RNF150: variants seen among roughly 807,000 people sequenced by gnomAD.
The protein encoded by RNF150 is ring finger protein 150.
RNF150 carries 24 observed loss-of-function variants against 39.3 expected under a neutral mutation model. That is an observed-to-expected ratio of 0.61 (90% confidence interval 0.44 to 0.86). The LOEUF (loss-of-function observed/expected upper bound fraction) is 0.86, where lower values mean the gene tolerates loss of function less well. Ranked by LOEUF, RNF150 falls within the 40% of genes least tolerant of loss-of-function variation. The pLI is 0.00. For synonymous variants in RNF150, 255 were observed against 227.3 expected (o/e 1.12, Z -1.10); for missense variants, 502 against 587.8 (o/e 0.85, Z 1.51).
Position 140,951,730 on chromosome 4 carries a change from C to A in RNF150, c.736-2358G>T, listed in dbSNP as rs368226542. On this transcript the variant is annotated intron_variant, in intron 2 of 6. Coordinates refer to ENST00000515673, the MANE Select transcript of RNF150 (RefSeq NM_020724.2). ...CCATTGAAGGACCCCGGGGCAAGGA[C>A]TGAAAGGTATTGAGAAAGGGCTACT... Among the ~76,000 whole-genome samples, 55 of 152,138 alleles carry A rather than the reference C, an allele frequency of 3.6e-4. No homozygotes were observed. The East Asian group carries it at 5.2e-3, about 14-fold the overall frequency.
At chr4:141,070,038 G>T (rs1218800223) in intron 1 of RNF150, among the ~76,000 whole-genome samples, 1 of 151,964 alleles carries the variant, frequency 6.6e-6, no homozygotes, top group Non-Finnish European at 1.5e-5. Flanking sequence ...TTTTTGAAGG[G>T]TTTTTTGTGT....
At chr4:141,057,093 A>C (rs1195107290) in intron 1 of RNF150, among the ~76,000 whole-genome samples, 1 of 152,040 alleles carries the variant, frequency 6.6e-6, no homozygotes, top group East Asian at 1.9e-4. Context: ...TAACTATCTG[A>C]TAAGAACTTG....
At chr4:140,916,532 T>C (rs1326785707) in intron 5 of RNF150, among the ~76,000 whole-genome samples, 1 of 152,124 alleles carries the variant, frequency 6.6e-6, no homozygotes, top group Non-Finnish European at 1.5e-5. Flanking sequence ...CCAAGAAATA[T>C]GGGACTATGT....
chr4:140,873,771 G>GCTCAAGCCATCCTCCCAC (rs2111189233), intron 6 of RNF150, among the ~76,000 whole-genome samples: 1 of 152,246 alleles, frequency 6.6e-6, no homozygotes, highest in South Asian at 2.1e-4. Flanking sequence ...CTGCCTCACA[G>GCTCAAGCCATCCTCCCAC]CTCAAGCCAT....
At chr4:141,180,744 C>T (rs1197692494) in intron 1 of RNF150, among the ~76,000 whole-genome samples, 1 of 152,112 alleles carries the variant, frequency 6.6e-6, no homozygotes, top group Non-Finnish European at 1.5e-5. Flanking sequence ...AGAACATGTG[C>T]TATTTTCAAA....
intron 1 of RNF150, among the ~76,000 whole-genome samples, chr4:141,150,435 G>A (rs2111139513): frequency 6.6e-6 from 1 of 152,252 alleles, no homozygotes; most frequent in East Asian, 1.9e-4. Context: ...CCATCACCCT[G>A]TGGCACCTGG....
intron 1 of RNF150, among the ~76,000 whole-genome samples, chr4:141,193,816 G>A (rs1180850847): frequency 6.6e-6 from 1 of 152,180 alleles, no homozygotes; most frequent in Admixed American, 6.5e-5. Flanking sequence ...GCTGGGAGGG[G>A]TCAGTGAATT....
At chr4:140,988,380 G>C (rs1225998186) in intron 1 of RNF150, among the ~76,000 whole-genome samples, 6 of 152,120 alleles carry the variant, frequency 3.9e-5, no homozygotes, top group Non-Finnish European at 5.9e-5. Context: ...ATTGAATAAA[G>C]AAAATGTGGT....
chr4:140,882,088 C>T (rs1332653286), intron 6 of RNF150, among the ~76,000 whole-genome samples: 1 of 151,826 alleles, frequency 6.6e-6, no homozygotes, highest in African/African-American at 2.4e-5. Flanking sequence ...GGTGCAATCT[C>T]GGCTCACTGC....
chr4:141,212,215 A>G (rs150705679), intron 1 of RNF150, among the ~76,000 whole-genome samples: 1 of 152,310 alleles, frequency 6.6e-6, no homozygotes, highest in East Asian at 1.9e-4. Context: ...TGGATCTCCA[A>G]CAGCCGGGTA....
At position 141,103,012 on chromosome 4, in the gene RNF150, G is replaced by A. The variant is rs534255564; in HGVS notation, c.484+29313C>T. 5.9e-5 allele frequency among the ~76,000 whole-genome samples: 9 copies of A among 152,104 alleles called. No individual in the cohort carries two copies. In the East Asian group the frequency reaches 9.7e-4, roughly 16 times the overall value. ...CCATCTGTCAGGTGCTTTCAAAAAC[G>A]GAGACACCAATCACAAAATCTTTGA... On this transcript the variant is annotated intron_variant, in intron 1 of 6. Coordinates refer to ENST00000515673, the MANE Select transcript of RNF150 (RefSeq NM_020724.2).
chr4:141,087,831 C>CT (rs955315184), intron 1 of RNF150, among the ~76,000 whole-genome samples: 23 of 148,838 alleles, frequency 1.5e-4, no homozygotes, highest in African/African-American at 3.2e-4. Flanking sequence ...GTTTCATGGA[C>CT]TTTTTTTTTT....
chr4:141,132,210 C>A lies in RNF150; in HGVS notation c.484+115G>T. The A allele has an allele frequency of 9.1e-7, 1 of 1,102,266 alleles. No homozygotes were observed. The highest frequency in any genetic ancestry group is 2.5e-5 in the Admixed American group (1 of 40,060). The allele number at this position is 1,102,266 out of a possible 1,614,324, so 68.3% of individuals were successfully genotyped here. A position where few individuals can be genotyped will look rare whatever the true frequency, so the allele number is the denominator to read the frequency against. On this transcript the variant is annotated intron_variant, in intron 1 of 6. Coordinates refer to ENST00000515673, the MANE Select transcript of RNF150 (RefSeq NM_020724.2). The surrounding 1 kb of genome is among the most constrained non-coding windows in gnomAD (Gnocchi z 4.9). ...ACTTAATCGGTCCAGGGAACCCAGA[C>A]ACGTCTTCCGCGCCGCACGGACTTC...
rs368349800 is a variant in RNF150 at position 141,093,092 on chromosome 4, C to T, written c.484+39233G>A. Among the ~76,000 whole-genome samples, 106 of 151,964 alleles carry T rather than the reference C, an allele frequency of 7.0e-4. 1 individual carries two copies. Among genetic ancestry groups the T allele is most frequent in the African/African-American group, 2.5e-3 (102 of 41,440 alleles). On this transcript the variant is annotated intron_variant, in intron 1 of 6. Coordinates refer to ENST00000515673, the MANE Select transcript of RNF150 (RefSeq NM_020724.2). Reference sequence around the variant, plus strand: ...ATAAAAAAGGGAACTGGTGGCTGGGCGCGGCGGCTCATGCCTGTAATCCCA... The same window carrying T: ...ATAAAAAAGGGAACTGGTGGCTGGGTGCGGCGGCTCATGCCTGTAATCCCA...
Position 141,145,835 on chromosome 4 carries a change from A to G in RNF150, c.-6+66959T>C, listed in dbSNP as rs146417591. The stretch of plus-strand genomic sequence containing the variant: ...GAAGATCCAATGTTCAAGTTCTACT[A>G]TGGTTCAGGTTCCCCACTTTTATAT... On this transcript the variant is annotated intron_variant, in intron 1 of 7. Coordinates refer to the RNF150 transcript ENST00000420921. Among the ~76,000 whole-genome samples, 1,239 of 152,296 alleles carry G rather than the reference A, an allele frequency of 8.1e-3. 8 individuals carry two copies. Among genetic ancestry groups the G allele is most frequent in the Middle Eastern group, 0.024 (7 of 294 alleles).
chr4:140,932,530 C>A (rs1371787481), intron 4 of RNF150, among the ~76,000 whole-genome samples: 1 of 152,218 alleles, frequency 6.6e-6, no homozygotes, highest in African/African-American at 2.4e-5. Context: ...CCACTCTATA[C>A]TCCTCACCCC....
chr4:141,138,681 G>T (rs1286159269), intron 1 of RNF150, among the ~76,000 whole-genome samples: 1 of 152,146 alleles, frequency 6.6e-6, no homozygotes, highest in Non-Finnish European at 1.5e-5. Context: ...GACATTTGGC[G>T]CCAGGCAATC....
At chr4:141,186,142 C>G (rs1369063010) in intron 1 of RNF150, among the ~76,000 whole-genome samples, 1 of 152,198 alleles carries the variant, frequency 6.6e-6, no homozygotes, top group Non-Finnish European at 1.5e-5. Context: ...TAGAATTCGG[C>G]TGGGAATCCA....
intron 2 of RNF150, among the ~76,000 whole-genome samples, chr4:140,959,595 G>A (rs1732930542): frequency 6.6e-6 from 1 of 152,076 alleles, no homozygotes; most frequent in Admixed American, 6.6e-5. Flanking sequence ...AAATGATAGG[G>A]CTACCAGGAA....
Sources: allele counts gnomAD v4.1 joint callset (sites outside exome capture counted in the v4.1 genomes callset), GRCh38; gene constraint gnomAD v4.1.1; non-coding constraint Gnocchi (gnomAD v3.1); transcripts MANE v1.5; gene names NCBI Gene and HGNC (gene_info 2026-07-23, HGNC 2026-07-21).